Variants in MALRD1 observed in about 807,000 individuals in gnomAD.
MALRD1 encodes the protein MAM and LDL receptor class A domain containing 1, also known as MAM and LDL-receptor class A domain-containing protein 1.
A neutral mutation model predicts 242.1 loss-of-function variants in MALRD1; 247 were observed. The observed-to-expected ratio is 1.02, with a 90% CI of 0.92 to 1.13. The LOEUF is 1.13. Among genes scored for constraint, MALRD1 ranks in the 50% most tolerant of loss-of-function variants. The pLI is 0.00. For missense variants in MALRD1, 2,989 were observed against 2,533.1 expected, an observed-to-expected ratio of 1.18 and a Z score of -3.86; for synonymous variants, 995 against 866.6, an observed-to-expected ratio of 1.15 and a Z score of -2.60.
chr10:19,171,926 A>G (rs1411007517), intron 13 of MALRD1, among the ~76,000 whole-genome samples: 5 of 128,092 alleles, frequency 3.9e-5, no homozygotes, highest in African/African-American at 1.1e-4. Context: ...ATATACATAT[A>G]TGTGATATAT....
rs111426501 is a variant in MALRD1, at chr10:19,216,075, GT to G, written c.2991+6396del. Among the ~76,000 whole-genome samples, 1,399 of 149,066 alleles carry G rather than the reference GT, an allele frequency of 9.4e-3. 26 individuals are homozygous for G. Among genetic ancestry groups the G allele is most frequent in the African/African-American group, 0.032 (1,318 of 40,724 alleles). ...AATAAGAGTAGCTTCTGCTGATTAA[GT>G]AATACTATATCTTTTTCTACTTCTT... On this transcript the variant is annotated intron_variant, in intron 18 of 39. Coordinates refer to ENST00000454679, the MANE Select transcript of MALRD1 (RefSeq NM_001142308.3).
At chr10:19,689,257 C>CGT (rs960377020) in intron 36 of MALRD1, among the ~76,000 whole-genome samples, 1 of 151,808 alleles carries the variant, frequency 6.6e-6, no homozygotes, top group Non-Finnish European at 1.5e-5. Flanking sequence ...TGTATCTGTA[C>CGT]GTGTGTGTGT....
intron 33 of MALRD1, among the ~76,000 whole-genome samples, chr10:19,588,006 T>A (rs530962098): frequency 2.0e-5 from 3 of 152,148 alleles, no homozygotes; most frequent in African/African-American, 7.2e-5. Context: ...TATATACATG[T>A]ATATACAACA....
intron 28 of MALRD1, among the ~76,000 whole-genome samples, chr10:19,448,840 A>G (rs1835150134): frequency 6.6e-6 from 1 of 151,940 alleles, no homozygotes; most frequent in African/African-American, 2.4e-5. Context: ...ATTATATAAT[A>G]ATATAATTTT....
At chr10:19,449,073 G>T (rs3864825) in intron 28 of MALRD1, among the ~76,000 whole-genome samples, 4 of 152,056 alleles carry the variant, frequency 2.6e-5, no homozygotes, top group African/African-American at 9.7e-5. Flanking sequence ...GAAACCCAAG[G>T]CCTCAGTAAA....
At chr10:19,058,342 A>G (rs909214717) in intron 1 of MALRD1, among the ~76,000 whole-genome samples, 1 of 152,204 alleles carries the variant, frequency 6.6e-6, no homozygotes, top group Admixed American at 6.5e-5. Flanking sequence ...TGCTCCAGAC[A>G]CCAAAAATTT....
intron 36 of MALRD1, among the ~76,000 whole-genome samples, chr10:19,690,250 G>A (rs558325945): frequency 1.2e-3 from 179 of 152,112 alleles, no homozygotes; most frequent in African/African-American, 3.9e-3. Flanking sequence ...CCTTACAGTA[G>A]TTTATTTCCT....
At chr10:19,562,348 G>C in intron 32 of MALRD1, among the ~76,000 whole-genome samples, 1 of 150,236 alleles carries the variant, frequency 6.7e-6, no homozygotes, top group East Asian at 1.9e-4. Flanking sequence ...TAGATAGTTA[G>C]ATAGATAGAT....
At position 19,425,721 on chromosome 10, in the gene MALRD1, G is replaced by A. The variant is rs546557216; in HGVS notation, c.4846-24586G>A. On this transcript the variant is annotated intron_variant, in intron 28 of 39. Transcript: ENST00000454679. ...GTAAGAGGGAAAAGAATTCCAGCCC[G>A]CGTTTGACTCCATTTCTTGATAGAA... 2.3e-4 allele frequency among the ~76,000 whole-genome samples: 35 copies of A among 152,216 alleles called. No homozygotes were observed. In the South Asian group the frequency reaches 5.0e-3, roughly 22 times the overall value.
At chr10:19,376,462 G>C (rs1845600489) in intron 26 of MALRD1, among the ~76,000 whole-genome samples, 1 of 151,372 alleles carries the variant, frequency 6.6e-6, no homozygotes, top group Admixed American at 6.6e-5. Context: ...CAGTAGCTGG[G>C]TAGATGTATT....
intron 17 of MALRD1, 100 bp from the exon 18 acceptor site, chr10:19,209,168 A>G (rs1229030485): frequency 8.9e-6 from 10 of 1,124,480 alleles, no homozygotes; most frequent in Non-Finnish European, 1.2e-5. Context: ...TGGCATGAGC[A>G]AAGTATCAAC....
At chr10:19,236,744 C>G (rs1391157387) in intron 18 of MALRD1, among the ~76,000 whole-genome samples, 1 of 152,022 alleles carries the variant, frequency 6.6e-6, no homozygotes, top group African/African-American at 2.4e-5. Flanking sequence ...AATTTTATTT[C>G]AGATACGTTT....
intron 11 of MALRD1, among the ~76,000 whole-genome samples, chr10:19,153,819 T>A: frequency 6.6e-6 from 1 of 152,354 alleles, no homozygotes; most frequent in East Asian, 1.9e-4. Context: ...GCCTTTTGCT[T>A]CATTTAGATT....
rs11443184 is a variant in MALRD1 at position 19,176,366 on chromosome 10, C to CTTT, written c.1951+1055_1951+1057dup. On this transcript the variant is annotated intron_variant, in intron 14 of 39. Coordinates refer to ENST00000454679, the MANE Select transcript of MALRD1 (RefSeq NM_001142308.3). The stretch of plus-strand genomic sequence containing the variant: ...TCGAGAGAGTGTATATTTCTGGGTG[C>CTTT]TTTTTTTTTTTTTTTTTTTGAGACG... 6.4e-3 allele frequency among the ~76,000 whole-genome samples: 557 copies of CTTT among 87,292 alleles called. 86 individuals carry two copies. The highest frequency in any genetic ancestry group is 0.014 in the Middle Eastern group (2 of 148). The allele number at this position is 87,292 out of a possible 152,430, so 57.3% of individuals were successfully genotyped here.
intron 5 of MALRD1, among the ~76,000 whole-genome samples, chr10:19,115,058 A>G (rs1298172021): frequency 2.0e-5 from 3 of 152,162 alleles, no homozygotes; most frequent in Non-Finnish European, 4.4e-5. Flanking sequence ...AGTTCAACAT[A>G]GGAATTTTGG....
chr10:19,055,503 CT>C (rs1834636750), intron 1 of MALRD1, among the ~76,000 whole-genome samples: 1 of 152,126 alleles, frequency 6.6e-6, no homozygotes, highest in African/African-American at 2.4e-5. Context: ...TTTTCTCCAT[CT>C]TTGCTTTTAC....
In MALRD1 at chr10:19,303,578, T is replaced by G. The variant is rs1036973212; in HGVS notation, c.3420-20371T>G. Among the ~76,000 whole-genome samples, 9 of 151,768 alleles carry G rather than the reference T, an allele frequency of 5.9e-5. No individual in the cohort carries two copies. In the South Asian group the frequency reaches 1.2e-3, roughly 21 times the overall value. ...ATACTGGTGCTATCCAATGGAAATA[T>G]AAGGCAAGCCATGTGTGTAATTTTA... is the stretch of plus-strand genomic sequence containing the variant. On this transcript the variant is annotated intron_variant, in intron 21 of 39. Transcript: ENST00000454679.
chr10:19,243,374 A>T (rs922421629), intron 18 of MALRD1, among the ~76,000 whole-genome samples: 9 of 152,142 alleles, frequency 5.9e-5, no homozygotes, highest in Non-Finnish European at 1.0e-4. Context: ...TTAACTTTTT[A>T]AAAACTATGT....
intron 35 of MALRD1, among the ~76,000 whole-genome samples, chr10:19,615,626 C>T (rs940997353): frequency 1.3e-5 from 2 of 150,640 alleles, no homozygotes; most frequent in African/African-American, 2.4e-5. Context: ...TCTGTTTTTG[C>T]GGATTATTCA....
Sources: allele counts gnomAD v4.1 joint callset (sites outside exome capture counted in the v4.1 genomes callset), GRCh38; gene constraint gnomAD v4.1.1; transcripts MANE v1.5; gene names NCBI Gene and HGNC (gene_info 2026-07-23, HGNC 2026-07-21).